The following ITGBL1 variants were observed in gnomAD, a reference collection of about 807,000 sequenced individuals.
The protein encoded by ITGBL1 is integrin beta-like protein 1.
A neutral mutation model predicts 68.5 loss-of-function variants in ITGBL1; 51 were observed. The observed-to-expected ratio is 0.74, with a 90% confidence interval of 0.59 to 0.94. The LOEUF (loss-of-function observed/expected upper bound fraction) is 0.94, where lower values mean the gene tolerates loss of function less well. Among genes scored for constraint, ITGBL1 ranks in the 40% least tolerant of loss-of-function variants. The pLI is 0.00. For missense variants in ITGBL1, 649 were observed against 647.4 expected, an observed-to-expected ratio of 1.00 and a Z score of -0.03; for synonymous variants, 209 against 227.3, an observed-to-expected ratio of 0.92 and a Z score of 0.72.
At chr13:101,639,796 G>A (rs1055866757) in intron 7 of ITGBL1, among the ~76,000 whole-genome samples, 90 of 152,116 alleles carry the variant, frequency 5.9e-4, no homozygotes, top group African/African-American at 2.1e-3. Flanking sequence ...ATGCAATTTC[G>A]GTTAAACTTC....
chr13:101,657,223 T>C (rs945436188), intron 7 of ITGBL1, among the ~76,000 whole-genome samples: 2 of 152,236 alleles, frequency 1.3e-5, no homozygotes, highest in Non-Finnish European at 2.9e-5. Flanking sequence ...ACTTTTATTA[T>C]GCTTAGCCCA....
chr13:101,486,271 A>T (rs1412301653), intron 2 of ITGBL1, among the ~76,000 whole-genome samples: 1 of 152,202 alleles, frequency 6.6e-6, no homozygotes, highest in Non-Finnish European at 1.5e-5. Flanking sequence ...TCTCACTTAT[A>T]AGTAGGAGCT....
chr13:101,543,128 A>C (rs1231946819), intron 2 of ITGBL1, among the ~76,000 whole-genome samples: 1 of 152,118 alleles, frequency 6.6e-6, no homozygotes, highest in Non-Finnish European at 1.5e-5. Context: ...TTTGTTCGTT[A>C]GTTGATGCAG....
intron 7 of ITGBL1, among the ~76,000 whole-genome samples, chr13:101,637,182 G>A (rs2032197550): frequency 6.6e-6 from 1 of 152,040 alleles, no homozygotes; most frequent in Non-Finnish European, 1.5e-5. Context: ...TGGAGGTGAT[G>A]ATATTTTCAA....
At position 101,574,285 on chromosome 13, in the gene ITGBL1, C is replaced by T. The variant is rs569419205; in HGVS notation, c.464-1139C>T. On this transcript the variant is annotated intron_variant, in intron 3 of 10. Coordinates refer to ENST00000376180, the MANE Select transcript of ITGBL1 (RefSeq NM_004791.3). The stretch of plus-strand genomic sequence containing the variant: ...ATGTGGTGTTTTTCCTTCACTTCCC[C>T]TTTTATTGCAGAGCCTGTGCTATTG... Among the ~76,000 whole-genome samples the T allele has an allele frequency of 7.1e-5, 10 of 139,996 alleles. No individual in the cohort carries two copies. The East Asian group carries it at 2.1e-3, about 30-fold the overall frequency. The allele number at this position is 139,996 out of a possible 152,430, so 91.8% of individuals were successfully genotyped here.
In ITGBL1 at chr13:101,616,695, T is replaced by G. The variant is rs554592325; in HGVS notation, c.1015+18396T>G. Among the ~76,000 whole-genome samples, 19 of 152,252 alleles carry G rather than the reference T, an allele frequency of 1.2e-4. No homozygotes were observed. In the South Asian group the frequency reaches 1.7e-3, roughly 13 times the overall value. ...TAGTAGAGATGGGGTTTCACCACAT[T>G]GGCCAGGCTGTTCTCAAACTCCTGA... On this transcript the variant is annotated intron_variant, in intron 7 of 10. Transcript: ENST00000376180.
intron 6 of ITGBL1, among the ~76,000 whole-genome samples, chr13:101,590,984 A>T (rs1386312137): frequency 6.6e-6 from 1 of 151,916 alleles, no homozygotes; most frequent in Non-Finnish European, 1.5e-5. Flanking sequence ...GCTCACTGCA[A>T]CCTCCGCCTC....
chr13:101,637,385 C>A (rs1247279677), intron 7 of ITGBL1, among the ~76,000 whole-genome samples: 2 of 149,240 alleles, frequency 1.3e-5, no homozygotes. Flanking sequence ...ACTCTGTCAC[C>A]CAGGCTAGAG....
At chr13:101,461,260 A>T (rs1486382000) in intron 2 of ITGBL1, among the ~76,000 whole-genome samples, 1 of 152,172 alleles carries the variant, frequency 6.6e-6, no homozygotes, top group Non-Finnish European at 1.5e-5. Context: ...TTTGAAACAC[A>T]ATGCTAAAAC....
At chr13:101,645,186 T>C (rs1008185661) in intron 7 of ITGBL1, among the ~76,000 whole-genome samples, 1 of 152,146 alleles carries the variant, frequency 6.6e-6, no homozygotes, top group Non-Finnish European at 1.5e-5. Flanking sequence ...TGCTTTGGCT[T>C]GTGGTCTGTA....
intron 2 of ITGBL1, among the ~76,000 whole-genome samples, chr13:101,486,781 C>T (rs955556876): frequency 6.6e-6 from 1 of 152,046 alleles, no homozygotes; most frequent in Non-Finnish European, 1.5e-5. Flanking sequence ...GGCTATATTA[C>T]TATTCATTTA....
chr13:101,597,127 T>C (rs1327195789), intron 6 of ITGBL1, among the ~76,000 whole-genome samples: 1 of 152,082 alleles, frequency 6.6e-6, no homozygotes, highest in East Asian at 1.9e-4. Context: ...ACTTCTCTGG[T>C]GGGAATTGTT....
intron 2 of ITGBL1, among the ~76,000 whole-genome samples, chr13:101,478,904 A>C (rs1454305048): frequency 2.6e-5 from 4 of 152,050 alleles, no homozygotes; most frequent in Non-Finnish European, 5.9e-5. Flanking sequence ...TCTACAGATA[A>C]AATGTAATCT....
intron 2 of ITGBL1, among the ~76,000 whole-genome samples, chr13:101,460,251 A>G (rs1264636562): frequency 6.6e-6 from 1 of 152,168 alleles, no homozygotes; most frequent in Non-Finnish European, 1.5e-5. Flanking sequence ...GCACGTAAGA[A>G]TATTATCTGC....
At chr13:101,707,752 C>T (rs1177867802) in intron 9 of ITGBL1, among the ~76,000 whole-genome samples, 1 of 150,688 alleles carries the variant, frequency 6.6e-6, no homozygotes, top group Non-Finnish European at 1.5e-5. Context: ...ACTTGAGAGG[C>T]TGGGGCAGGG....
downstream of ITGBL1, chr13:101,717,343 C>T (rs2139631398): frequency 1.3e-5 from 2 of 152,086 alleles, no homozygotes; most frequent in South Asian, 2.1e-4. Flanking sequence ...GGAGTGCAAC[C>T]ATGTTGTAGT....
chr13:101,654,606 C>T (rs914590403), intron 7 of ITGBL1, among the ~76,000 whole-genome samples: 5 of 152,174 alleles, frequency 3.3e-5, no homozygotes, highest in South Asian at 4.1e-4. Flanking sequence ...GGAGCTGACT[C>T]GATGGTGGCA....
intron 2 of ITGBL1, among the ~76,000 whole-genome samples, chr13:101,480,922 T>G (rs116194169): frequency 3.0e-4 from 45 of 151,890 alleles, no homozygotes; most frequent in African/African-American, 1.0e-3. Context: ...GCCAGCAGGT[T>G]CTTTTAAAGA....
chr13:101,566,812 C>T (rs1262088785), intron 2 of ITGBL1, among the ~76,000 whole-genome samples: 1 of 152,134 alleles, frequency 6.6e-6, no homozygotes, highest in Non-Finnish European at 1.5e-5. Context: ...TTTCAAGGGC[C>T]AGTTAACAGT....
Sources: gnomAD v4.1 joint callset for allele counts (sites outside exome capture counted in the v4.1 genomes callset) on GRCh38, gnomAD v4.1.1 for gene constraint, MANE v1.5 for transcripts, NCBI Gene and HGNC (gene_info 2026-07-23, HGNC 2026-07-21) for gene names.